TINAG: variants seen among roughly 807,000 people sequenced by gnomAD.
TINAG encodes the protein tubulointerstitial nephritis antigen.
A neutral mutation model predicts 72.7 loss-of-function variants in TINAG; 83 were observed. That is an observed-to-expected ratio of 1.14 (90% confidence interval 0.96 to 1.37). TINAG has a LOEUF of 1.37. TINAG is among the 40% of genes most tolerant of loss of function. The pLI is 0.00. For missense variants in TINAG, 685 were observed against 576.6 expected, an observed-to-expected ratio of 1.19 and a Z score of -1.93; for synonymous variants, 234 against 189.9, an observed-to-expected ratio of 1.23 and a Z score of -1.91.
In TINAG at chr6:54,351,311, C is replaced by G; in HGVS notation, c.1081-41C>G. The G allele has an allele frequency of 3.2e-6, 5 of 1,556,760 alleles. No individual in the cohort carries two copies. In the East Asian group the frequency reaches 6.8e-5, roughly 21 times the overall value. On this transcript the variant is annotated intron_variant, in intron 7 of 10. Transcript: ENST00000259782. Reference sequence around the variant, plus strand: ...CACCAATCAATGGGTTTAGTATGCTCTGATAACAATGATATTGCTTATTCA... The same window carrying G: ...CACCAATCAATGGGTTTAGTATGCTGTGATAACAATGATATTGCTTATTCA...
intron 9 of TINAG, among the ~76,000 whole-genome samples, chr6:54,370,852 G>T (rs1763581873): frequency 6.6e-6 from 1 of 152,052 alleles, no homozygotes; most frequent in Non-Finnish European, 1.5e-5. Flanking sequence ...AGAACAGTTT[G>T]TGTTCCATTT....
At chr6:54,328,157 C>T (rs1459812631) in intron 4 of TINAG, among the ~76,000 whole-genome samples, 1 of 152,140 alleles carries the variant, frequency 6.6e-6, no homozygotes, top group African/African-American at 2.4e-5. Flanking sequence ...TCCTGACCCC[C>T]CATGCCTCTT....
intron 4 of TINAG, among the ~76,000 whole-genome samples, chr6:54,329,365 A>G (rs765289082): frequency 3.3e-5 from 5 of 152,170 alleles, no homozygotes; most frequent in Non-Finnish European, 5.9e-5. Context: ...TTTCATATCC[A>G]GACAAACTAA....
intron 9 of TINAG, among the ~76,000 whole-genome samples, chr6:54,375,063 T>A (rs1360419774): frequency 6.6e-6 from 1 of 152,146 alleles, no homozygotes; most frequent in Non-Finnish European, 1.5e-5. Context: ...TGGGTGATTC[T>A]GCTACAGTGT....
At chr6:54,312,724 A>C (rs1197230558) in intron 1 of TINAG, among the ~76,000 whole-genome samples, 1 of 152,154 alleles carries the variant, frequency 6.6e-6, no homozygotes, top group Non-Finnish European at 1.5e-5. Context: ...AAAAACCAGG[A>C]TTTTTTATTT....
At chr6:54,343,533 G>GT (rs3836940) in intron 5 of TINAG, among the ~76,000 whole-genome samples, 184 bp downstream of exon 5, 23,168 of 147,126 alleles carry the variant, frequency 0.16, 1,900 homozygotes, top group Non-Finnish European at 0.19. Flanking sequence ...TAGTCTAAAA[G>GT]TTTTTTTTTT....
intron 9 of TINAG, among the ~76,000 whole-genome samples, chr6:54,358,873 T>C (rs1389734152): frequency 4.0e-5 from 6 of 151,758 alleles, no homozygotes; most frequent in Non-Finnish European, 8.8e-5. Context: ...GGGATTGACA[T>C]CTGATCGCAT....
rs1440801544 is a variant in TINAG at position 54,354,644 on chromosome 6, A to C, written c.1250+8A>C. On this transcript the variant is annotated splice_region_variant and intron_variant, in intron 9 of 10. Transcript: ENST00000259782. ...TGCAGTCAAACTCACTGGGTAAGGC[A>C]ATTAAACAAAATTCATTTAATTCTT... 1.2e-6 allele frequency: 2 copies of C among 1,600,310 alleles called. No individual in the cohort carries two copies. Among genetic ancestry groups the C allele is most frequent in the Non-Finnish European group, 1.7e-6 (2 of 1,175,048 alleles).
chr6:54,385,789 T>G (rs1184647122), intron 10 of TINAG, among the ~76,000 whole-genome samples: 1 of 151,694 alleles, frequency 6.6e-6, no homozygotes, highest in African/African-American at 2.4e-5. Context: ...TAAGTGAAAC[T>G]TATGTTAGGA....
intron 5 of TINAG, 73 bp downstream of exon 5, chr6:54,343,422 CA>C (rs2150954796): frequency 7.9e-7 from 1 of 1,261,498 alleles, no homozygotes; most frequent in East Asian, 2.8e-5. Context: ...AATAATTGAA[CA>C]ATTTTAACAA....
chr6:54,387,989 A>G (rs1764146157), intron 10 of TINAG, among the ~76,000 whole-genome samples: 1 of 152,172 alleles, frequency 6.6e-6, no homozygotes, highest in Non-Finnish European at 1.5e-5. Flanking sequence ...TCATTAGCAC[A>G]TAAATGCACA....
intron 10 of TINAG, among the ~76,000 whole-genome samples, chr6:54,386,041 G>A (rs1030007716): frequency 2.0e-5 from 3 of 151,588 alleles, no homozygotes; most frequent in Non-Finnish European, 2.9e-5. Flanking sequence ...ACAGACACCC[G>A]CCACCACACC....
intron 10 of TINAG, among the ~76,000 whole-genome samples, chr6:54,387,248 T>G (rs1488971845): frequency 6.6e-6 from 1 of 152,080 alleles, no homozygotes; most frequent in African/African-American, 2.4e-5. Flanking sequence ...ATTAAAAGGA[T>G]TGATAATATC....
chr6:54,344,617 A>T (rs372923368), intron 5 of TINAG, among the ~76,000 whole-genome samples: 6 of 152,312 alleles, frequency 3.9e-5, no homozygotes, highest in African/African-American at 1.4e-4. Flanking sequence ...TTATGCCAGT[A>T]TTTCTGAAGA....
At chr6:54,362,391 A>G (rs1763267359) in intron 9 of TINAG, among the ~76,000 whole-genome samples, 1 of 151,684 alleles carries the variant, frequency 6.6e-6, no homozygotes, top group Non-Finnish European at 1.5e-5. Context: ...CTAGAAGTGG[A>G]ACAATAAAAC....
chr6:54,350,772 C>T (rs1280637490), intron 7 of TINAG, among the ~76,000 whole-genome samples: 2 of 151,126 alleles, frequency 1.3e-5, no homozygotes, highest in African/African-American at 4.9e-5. Flanking sequence ...ACACTTTGCG[C>T]TTGTCTCTAC....
intron 4 of TINAG, among the ~76,000 whole-genome samples, chr6:54,335,779 C>G (rs1344611470): frequency 6.6e-6 from 1 of 152,096 alleles, no homozygotes; most frequent in Admixed American, 6.6e-5. Context: ...GTGGTGCACT[C>G]CCCTCACCGC....
chr6:54,336,230 T>G (rs985375737), intron 4 of TINAG, among the ~76,000 whole-genome samples: 1 of 152,148 alleles, frequency 6.6e-6, no homozygotes, highest in African/African-American at 2.4e-5. Context: ...GTACTTAGAT[T>G]ATAGTAAAGT....
At chr6:54,334,260 C>T (rs1212131047) in intron 4 of TINAG, among the ~76,000 whole-genome samples, 1 of 152,164 alleles carries the variant, frequency 6.6e-6, no homozygotes, top group Non-Finnish European at 1.5e-5. Context: ...CTCCACTCTC[C>T]AATGAAGACA....
Sources: allele counts gnomAD v4.1 joint callset (sites outside exome capture counted in the v4.1 genomes callset), GRCh38; gene constraint gnomAD v4.1.1; transcripts MANE v1.5; gene names NCBI Gene and HGNC (gene_info 2026-07-23, HGNC 2026-07-21).